NTN1: variants seen among roughly 807,000 people sequenced by gnomAD.
NTN1 encodes the protein netrin-1.
NTN1 carries 11 observed loss-of-function variants against 54.2 expected under a neutral mutation model. That is an observed-to-expected ratio of 0.20 (90% CI 0.13 to 0.34). The LOEUF is 0.34. Among genes scored for constraint, NTN1 ranks in the 10% least tolerant of loss-of-function variants. NTN1 has a pLI of 1.00. For synonymous variants in NTN1, 371 were observed against 382.0 expected (o/e 0.97, Z 0.33); for missense variants, 740 against 893.1 (o/e 0.83, Z 2.18).
upstream of NTN1, among the ~76,000 whole-genome samples, chr17:9,020,413 G>C (rs1317522187): frequency 6.6e-6 from 1 of 152,234 alleles, no homozygotes; most frequent in East Asian, 1.9e-4. Flanking sequence ...TGGGGCGATG[G>C]AGAATGAGGC....
Position 9,241,663 on chromosome 17 carries a change from C to T in NTN1, c.*1695C>T, listed in dbSNP as rs1906219854. On this transcript the variant is annotated 3_prime_UTR_variant, in exon 7 of 7. Coordinates refer to ENST00000173229, the MANE Select transcript of NTN1 (RefSeq NM_004822.3). ...CCTCCGCCTTCCCCACATTTACCCG[C>T]ATCACGGCTGCCATTTATTGAGCAC... 1.3e-5 allele frequency: 2 copies of T among 152,476 alleles called. No homozygotes were observed. Among genetic ancestry groups the T allele is most frequent in the Non-Finnish European group, 2.9e-5 (2 of 68,204 alleles). 9.4% of individuals were successfully genotyped at this position (152,476 alleles called of 1,614,324 possible). A position where few individuals can be genotyped will look rare whatever the true frequency, so the allele number is the denominator to read the frequency against.
At chr17:9,007,971 T>C in the NTN1 span, among the ~76,000 whole-genome samples, 2 of 152,190 alleles carry the variant, frequency 1.3e-5, no homozygotes, top group East Asian at 3.9e-4. Flanking sequence ...CTCAAACTCC[T>C]GGCCTCAAGT....
intron 2 of NTN1, among the ~76,000 whole-genome samples, chr17:9,066,826 C>T (rs1238692029): frequency 1.3e-5 from 2 of 151,736 alleles, no homozygotes; most frequent in Non-Finnish European, 2.9e-5. Context: ...ATGGTGAAAC[C>T]CCGTCTCAAC....
rs1209825885 is a variant in NTN1 at position 9,122,734 on chromosome 17, C to G, written c.1019-40079C>G. The stretch of plus-strand genomic sequence containing the variant: ...CAGTTTATCCCACCAGCCAGAGTGA[C>G]GATGTTAATACCCTGTGGTGTGTCT... On this transcript the variant is annotated intron_variant, in intron 2 of 6. Coordinates refer to ENST00000173229, the MANE Select transcript of NTN1 (RefSeq NM_004822.3). 5.9e-5 allele frequency among the ~76,000 whole-genome samples: 9 copies of G among 152,282 alleles called. No homozygotes were observed. In the Middle Eastern group the frequency reaches 0.01, roughly 173 times the overall value.
intron 2 of NTN1, among the ~76,000 whole-genome samples, chr17:9,149,418 C>T (rs567428043): frequency 6.6e-6 from 1 of 152,306 alleles, no homozygotes; most frequent in Non-Finnish European, 1.5e-5. Flanking sequence ...TCTCTGCCTT[C>T]AGGAATGAAT....
At chr17:9,071,020 G>A (rs908873348) in intron 2 of NTN1, among the ~76,000 whole-genome samples, 3 of 152,086 alleles carry the variant, frequency 2.0e-5, no homozygotes, top group African/African-American at 7.2e-5. Flanking sequence ...CTGCGTGTCC[G>A]CCACGTTGCT....
chr17:9,109,854 T>C (rs759672706), intron 2 of NTN1, among the ~76,000 whole-genome samples: 25 of 152,256 alleles, frequency 1.6e-4, no homozygotes, highest in Non-Finnish European at 3.4e-4. Flanking sequence ...AATTTGCATA[T>C]GTCTGATTAT....
chr17:9,074,723 G>A (rs1325276274), intron 2 of NTN1, among the ~76,000 whole-genome samples: 1 of 152,166 alleles, frequency 6.6e-6, no homozygotes, highest in Non-Finnish European at 1.5e-5. Flanking sequence ...ACATCACCTA[G>A]GCATGATCAC....
chr17:9,085,962 G>T (rs535884105), intron 2 of NTN1, among the ~76,000 whole-genome samples: 5 of 152,172 alleles, frequency 3.3e-5, no homozygotes, highest in Non-Finnish European at 7.3e-5. Flanking sequence ...GGATTTCCAA[G>T]TCAGGGCTCT....
intron 5 of NTN1, 162 bp downstream of exon 5, chr17:9,183,131 G>T: frequency 1.4e-6 from 1 of 730,108 alleles, no homozygotes; most frequent in East Asian, 2.6e-5. Context: ...AGAAGCTGGA[G>T]CTATAGGACA....
At chr17:9,071,054 A>G (rs776824102) in intron 2 of NTN1, among the ~76,000 whole-genome samples, 19 of 152,116 alleles carry the variant, frequency 1.2e-4, no homozygotes, top group Non-Finnish European at 2.5e-4. Context: ...TCTGTGGTCC[A>G]TGGCTCTTCC....
chr17:9,133,028 C>T lies in NTN1; in HGVS notation c.1019-29785C>T, dbSNP rs530207741. On this transcript the variant is annotated intron_variant, in intron 2 of 6. Transcript: ENST00000173229. ...GCCAAAACCTTCCACGGACTGTAGACGCTCACAACCTGGGATGAGGTCTCC... is the reference window on the plus strand; with the variant it reads ...GCCAAAACCTTCCACGGACTGTAGATGCTCACAACCTGGGATGAGGTCTCC... Among the ~76,000 whole-genome samples the T allele has an allele frequency of 7.4e-4, 112 of 152,172 alleles. 1 individual carries two copies. The highest frequency in any genetic ancestry group is 2.1e-3 in the African/African-American group (88 of 41,508).
At chr17:9,230,521 G>A (rs925252162) in intron 6 of NTN1, among the ~76,000 whole-genome samples, 9 of 151,856 alleles carry the variant, frequency 5.9e-5, no homozygotes, top group South Asian at 2.1e-4. Flanking sequence ...GTCTGAGGTC[G>A]TGGAATGCGG....
chr17:9,107,856 G>A (rs1392788645), intron 2 of NTN1, among the ~76,000 whole-genome samples: 1 of 152,210 alleles, frequency 6.6e-6, no homozygotes, highest in East Asian at 1.9e-4. Context: ...TTGCAGAAAA[G>A]AGTTTGCCAA....
chr17:9,163,488 A>G (rs2092364883), intron 3 of NTN1, among the ~76,000 whole-genome samples: 1 of 14,822 alleles, frequency 6.7e-5, no homozygotes, highest in African/African-American at 1.9e-4. Flanking sequence ...ACACACACAC[A>G]CACACACACA....
chr17:9,127,077 G>GGC lies in NTN1; in HGVS notation c.1019-35735_1019-35734insCG, dbSNP rs535250630. Among the ~76,000 whole-genome samples the GGC allele has an allele frequency of 4.7e-3, 679 of 145,912 alleles. 11 individuals are homozygous for GGC. Among genetic ancestry groups the GGC allele is most frequent in the Middle Eastern group, 0.017 (5 of 290 alleles). On this transcript the variant is annotated intron_variant, in intron 2 of 6. Coordinates refer to ENST00000173229, the MANE Select transcript of NTN1 (RefSeq NM_004822.3). ...AGTGAGATTGTGGTAGGGCCGGGGGGGGGCAGGACAGGGAGTTAGGATTTT... is the reference window on the plus strand; with the variant it reads ...AGTGAGATTGTGGTAGGGCCGGGGGGGCGGGCAGGACAGGGAGTTAGGATTTT...
rs1340072125 is a variant in NTN1, at chr17:9,094,062, T to G, written c.1019-68751T>G. 2.6e-5 allele frequency among the ~76,000 whole-genome samples: 4 copies of G among 152,320 alleles called. No individual in the cohort carries two copies. In the South Asian group the frequency reaches 8.3e-4, roughly 32 times the overall value. ...CTTCTAGTATACATACTATTTACAT[T>G]TTGTTATATACACTTCTGTTTTACC... On this transcript the variant is annotated intron_variant, in intron 2 of 6. Transcript: ENST00000173229.
intron 6 of NTN1, among the ~76,000 whole-genome samples, chr17:9,230,362 C>T (rs779265271): frequency 3.3e-5 from 5 of 152,100 alleles, no homozygotes; most frequent in South Asian, 4.2e-4. Flanking sequence ...GCCAGCAGCA[C>T]GTGGCATGGT....
intron 2 of NTN1, among the ~76,000 whole-genome samples, chr17:9,134,608 C>T (rs936555008): frequency 2.0e-5 from 3 of 152,182 alleles, no homozygotes; most frequent in Non-Finnish European, 4.4e-5. Flanking sequence ...AACATGCAGC[C>T]GGGGCAGAGA....
Sources: gnomAD v4.1 joint callset for allele counts (sites outside exome capture counted in the v4.1 genomes callset) on GRCh38, gnomAD v4.1.1 for gene constraint, MANE v1.5 for transcripts, NCBI Gene and HGNC (gene_info 2026-07-23, HGNC 2026-07-21) for gene names.